TENM3: variants seen among roughly 807,000 people sequenced by gnomAD.
TENM3 encodes the protein teneurin-3.
TENM3 carries 63 observed loss-of-function variants against 255.1 expected under a neutral mutation model. That is an observed-to-expected ratio of 0.25 (90% CI 0.20 to 0.30). TENM3 has a LOEUF of 0.30. Ranked by LOEUF, TENM3 falls within the 10% of genes least tolerant of loss-of-function variation. The pLI is 1.00. For synonymous variants in TENM3, 1,306 were observed against 1,322.3 expected (o/e 0.99, Z 0.27); for missense variants, 2,929 against 3,461.1 (o/e 0.85, Z 3.86).
At chr4:182,089,666 C>T in the TENM3 span, among the ~76,000 whole-genome samples, 1 of 152,166 alleles carries the variant, frequency 6.6e-6, no homozygotes, top group Non-Finnish European at 1.5e-5. Context: ...TACATAATCA[C>T]TGGGTTGCTT....
At chr4:182,161,654 CACACACACAA>C (rs1751214450) in intron 1 of TENM3, among the ~76,000 whole-genome samples, 2 of 77,670 alleles carry the variant, frequency 2.6e-5, no homozygotes, top group African/African-American at 1.1e-4. Flanking sequence ...TATATATATA[CACACACACAA>C]ATATATATAT....
At chr4:181,817,529 T>C in the TENM3 span, among the ~76,000 whole-genome samples, 46 of 152,338 alleles carry the variant, frequency 3.0e-4, 2 homozygotes, top group South Asian at 9.1e-3. Context: ...AGGGCTGCTA[T>C]AGTCAGAATG....
the TENM3 span, among the ~76,000 whole-genome samples, chr4:181,588,657 G>A: frequency 6.6e-5 from 10 of 152,150 alleles, no homozygotes; most frequent in Admixed American, 1.3e-4. Context: ...TTAACAGTTT[G>A]TTGAATTTTG....
intron 3 of TENM3, among the ~76,000 whole-genome samples, chr4:182,489,827 C>T (rs1173977990): frequency 1.1e-5 from 1 of 89,878 alleles, no homozygotes; most frequent in Non-Finnish European, 2.4e-5. Context: ...CCCTCCCTCC[C>T]TTCCTTTCTT....
chr4:181,597,583 AAATATTTCAG>A, the TENM3 span, among the ~76,000 whole-genome samples: 8 of 152,128 alleles, frequency 5.3e-5, no homozygotes, highest in South Asian at 6.2e-4. Context: ...GTTGTCTATG[AAATATTTCAG>A]AATGTCACGT....
At chr4:181,706,008 T>C in the TENM3 span, among the ~76,000 whole-genome samples, 14 of 152,290 alleles carry the variant, frequency 9.2e-5, no homozygotes, top group East Asian at 1.4e-3. Flanking sequence ...CTGTAACAAA[T>C]ACTGGATGGC....
chr4:182,064,450 C>A, the TENM3 span, among the ~76,000 whole-genome samples: 1,023 of 151,956 alleles, frequency 6.7e-3, 9 homozygotes, highest in African/African-American at 0.024. Context: ...TGGTGGCGGG[C>A]GCCTGTAGTC....
intron 1 of TENM3, among the ~76,000 whole-genome samples, chr4:182,155,717 T>G (rs369053746): frequency 1.3e-5 from 2 of 152,234 alleles, no homozygotes; most frequent in East Asian, 3.9e-4. Flanking sequence ...CCTTCAAACA[T>G]TTTAGGTAAA....
chr4:182,142,760 G>A (rs1419704534), upstream of TENM3: 1 of 164,432 alleles, frequency 6.1e-6, no homozygotes, highest in Non-Finnish European at 1.5e-5. Flanking sequence ...GGTCCCAGGA[G>A]AGGGCGGGGA....
At chr4:182,411,549 C>T (rs1487173719) in intron 3 of TENM3, among the ~76,000 whole-genome samples, 1 of 152,144 alleles carries the variant, frequency 6.6e-6, no homozygotes, top group Non-Finnish European at 1.5e-5. Context: ...CTCAGATATT[C>T]ACATATGGGT....
the TENM3 span, among the ~76,000 whole-genome samples, chr4:181,727,828 TC>T: frequency 2.6e-5 from 4 of 152,210 alleles, no homozygotes; most frequent in Non-Finnish European, 4.4e-5. Context: ...AAGCTGGAGT[TC>T]AGCTAATAAG....
At chr4:182,059,109 C>G in the TENM3 span, among the ~76,000 whole-genome samples, 1 of 152,010 alleles carries the variant, frequency 6.6e-6, no homozygotes, top group Non-Finnish European at 1.5e-5. Flanking sequence ...CTGGGATATG[C>G]AGGTGGCATC....
the TENM3 span, among the ~76,000 whole-genome samples, chr4:181,598,431 A>G: frequency 6.6e-6 from 1 of 152,204 alleles, no homozygotes; most frequent in Non-Finnish European, 1.5e-5. Context: ...CAACATTCTG[A>G]ACAAAGCTCA....
chr4:182,385,593 T>C (rs990567680), intron 3 of TENM3, among the ~76,000 whole-genome samples: 1 of 152,204 alleles, frequency 6.6e-6, no homozygotes, highest in Non-Finnish European at 1.5e-5. Context: ...AAGAAATTAC[T>C]ATTACTCTAT....
At chr4:182,172,494 C>G (rs1427619440) in intron 1 of TENM3, among the ~76,000 whole-genome samples, 1 of 152,228 alleles carries the variant, frequency 6.6e-6, no homozygotes, top group East Asian at 1.9e-4. Context: ...TTCATTCGTT[C>G]CCTGGCTGTG....
chr4:182,023,071 A>G, the TENM3 span, among the ~76,000 whole-genome samples: 1 of 152,240 alleles, frequency 6.6e-6, no homozygotes, highest in African/African-American at 2.4e-5. Context: ...TTAAGCAGTA[A>G]TCTAGGTCAA....
the TENM3 span, among the ~76,000 whole-genome samples, chr4:182,011,065 C>T: frequency 3.3e-5 from 5 of 152,198 alleles, no homozygotes; most frequent in African/African-American, 1.2e-4. Flanking sequence ...AAGAAAATTC[C>T]ATCCATGCCA....
the TENM3 span, among the ~76,000 whole-genome samples, chr4:181,460,091 T>C: frequency 1.4e-4 from 21 of 152,058 alleles, no homozygotes; most frequent in African/African-American, 3.6e-4. Flanking sequence ...TTAAATGGTA[T>C]TGTAGTATAA....
At chr4:182,655,659 T>G in intron 6 of TENM3, among the ~76,000 whole-genome samples, 1 of 152,188 alleles carries the variant, frequency 6.6e-6, no homozygotes, top group South Asian at 2.1e-4. Context: ...TGGAATGGGC[T>G]GCCTAGGATC....
Sources: allele counts gnomAD v4.1 joint callset (sites outside exome capture counted in the v4.1 genomes callset), GRCh38; gene constraint gnomAD v4.1.1; transcripts MANE v1.5; gene names NCBI Gene and HGNC (gene_info 2026-07-23, HGNC 2026-07-21).